Variants in NOTCH2 observed in about 807,000 individuals in gnomAD.
NOTCH2 encodes notch receptor 2.
NOTCH2 carries 29 observed loss-of-function variants against 235.8 expected under a neutral mutation model. That is an observed-to-expected ratio of 0.12 (90% CI 0.09 to 0.17). The LOEUF is 0.17. Ranked by LOEUF, NOTCH2 falls within the 10% of genes least tolerant of loss-of-function variation. The pLI, the probability that NOTCH2 is intolerant of heterozygous loss-of-function variation, is 1.00. For synonymous variants in NOTCH2, 1,086 were observed against 1,141.5 expected, an observed-to-expected ratio of 0.95 and a Z score of 0.98; for missense variants, 2,285 against 3,150.2, an observed-to-expected ratio of 0.73 and a Z score of 6.57.
At chr1:119,975,561 G>T (rs587650066) in intron 5 of NOTCH2, among the ~76,000 whole-genome samples, 1 of 151,262 alleles carries the variant, frequency 6.6e-6, no homozygotes, top group Non-Finnish European at 1.5e-5. Flanking sequence ...CAGGAGAATC[G>T]CTTGAATCCA....
intron 11 of NOTCH2, among the ~76,000 whole-genome samples, chr1:119,960,512 T>C (rs941734384): frequency 6.6e-6 from 1 of 151,536 alleles, no homozygotes; most frequent in African/African-American, 2.4e-5. Context: ...GGTAACAATA[T>C]TTACTTTTTA....
Position 119,918,361 on chromosome 1 carries a change from C to T in NOTCH2, c.5929+45G>A, listed in dbSNP as rs367924310. The T allele has an allele frequency of 1.9e-6, 3 of 1,609,818 alleles. No homozygotes were observed. In the African/African-American group the frequency reaches 4.0e-5, roughly 21 times the overall value. On this transcript the variant is annotated intron_variant, in intron 32 of 33. Transcript: ENST00000256646. ...GTAACTCTATTCCCCTCGTCAGAGGCATGCTTTGCAGGTAAGAATCCAAAT... is the reference window on the plus strand; with the variant it reads ...GTAACTCTATTCCCCTCGTCAGAGGTATGCTTTGCAGGTAAGAATCCAAAT...
intron 4 of NOTCH2, chr1:119,995,414 T>C (rs1464127875): frequency 1.3e-5 from 2 of 151,832 alleles, no homozygotes; most frequent in African/African-American, 4.8e-5. Flanking sequence ...CATTTAGCCT[T>C]CAACAATAAA....
intron 6 of NOTCH2, 35 bp downstream of exon 6, chr1:119,969,476 T>A (rs946255501): frequency 6.3e-7 from 1 of 1,585,820 alleles, no homozygotes; most frequent in South Asian, 1.1e-5. Flanking sequence ...CCCCTGCCCC[T>A]TCCCTGTTTC....
chr1:119,958,855 C>T (rs587754388), intron 12 of NOTCH2, among the ~76,000 whole-genome samples: 1 of 152,150 alleles, frequency 6.6e-6, no homozygotes, highest in South Asian at 2.1e-4. Context: ...TTTCTTCCTC[C>T]TGGGCAGAAA....
chr1:120,023,417 A>T (rs2101303666), intron 2 of NOTCH2, among the ~76,000 whole-genome samples: 1 of 149,044 alleles, frequency 6.7e-6, no homozygotes, highest in African/African-American at 2.5e-5. Flanking sequence ...AGCCTGGGCC[A>T]CAGAGCGAGA....
intron 12 of NOTCH2, 31 bp from the exon 13 acceptor site, chr1:119,955,263 T>A (rs1650643723): frequency 6.2e-7 from 1 of 1,606,090 alleles, no homozygotes. Flanking sequence ...GTTAGTCACA[T>A]CCTAAATGCT....
intron 1 of NOTCH2, among the ~76,000 whole-genome samples, chr1:120,060,527 C>T (rs1237069725): frequency 2.7e-5 from 4 of 150,250 alleles, no homozygotes; most frequent in Non-Finnish European, 5.9e-5. Flanking sequence ...AGACGTATAC[C>T]AAAAAATTAA....
intron 5 of NOTCH2, among the ~76,000 whole-genome samples, chr1:119,979,743 G>T (rs74115508): frequency 0.037 from 5,689 of 152,036 alleles, 355 homozygotes; most frequent in African/African-American, 0.13. Context: ...TAATTTTAAA[G>T]AATATGTATA....
At chr1:119,986,547 G>A (rs587597931) in intron 5 of NOTCH2, among the ~76,000 whole-genome samples, 2 of 152,262 alleles carry the variant, frequency 1.3e-5, no homozygotes, top group South Asian at 2.1e-4. Flanking sequence ...ATCTCTGTCC[G>A]TGAACAAATA....
intron 2 of NOTCH2, among the ~76,000 whole-genome samples, chr1:120,028,982 G>A (rs1326001332): frequency 2.0e-4 from 31 of 151,370 alleles, no homozygotes; most frequent in African/African-American, 5.6e-4. Flanking sequence ...CAAACAAAAC[G>A]TCTTGGCTAG....
rs2101154545 is a variant in NOTCH2 at position 119,922,361 on chromosome 1, C to T, written c.5088G>A (p.Gly1696=). ...VVIILFIILL[G]VIMAKRKRKH... ...TACGCTTTCGTTTTGCCATGATTAC[C>T]CCCAGCAGAATAATAAACAGAATGA... The change falls in exon 28 of 34, where the codon GGG becomes GGA. Residue 1696 remains glycine (G), a synonymous_variant. Coordinates refer to ENST00000256646, the MANE Select transcript of NOTCH2 (RefSeq NM_024408.4). The T allele has an allele frequency of 6.2e-7, 1 of 1,614,096 alleles. No individual in the cohort carries two copies. The highest frequency in any genetic ancestry group is 1.7e-5 in the Admixed American group (1 of 60,020).
chr1:120,017,462 TC>T (rs1653491006), intron 2 of NOTCH2, among the ~76,000 whole-genome samples: 1 of 152,090 alleles, frequency 6.6e-6, no homozygotes, highest in South Asian at 2.1e-4. Context: ...ATTCTCATAC[TC>T]CCAGTGCCTA....
intron 30 of NOTCH2, 132 bp downstream of exon 30, chr1:119,920,097 T>C: frequency 2.1e-6 from 2 of 959,992 alleles, no homozygotes; most frequent in Admixed American, 2.2e-5. Flanking sequence ...TAAGCATTCA[T>C]TTCCTCGAGC....
intron 10 of NOTCH2, among the ~76,000 whole-genome samples, chr1:119,964,736 C>CA (rs1184527250): frequency 6.6e-6 from 1 of 152,176 alleles, no homozygotes; most frequent in African/African-American, 2.4e-5. Context: ...ACTTCTTTCT[C>CA]AAGCAGTCAG....
chr1:119,952,583 A>G (rs1650523071), intron 14 of NOTCH2, among the ~76,000 whole-genome samples: 2 of 152,144 alleles, frequency 1.3e-5, no homozygotes, highest in Non-Finnish European at 2.9e-5. Flanking sequence ...TCGCAGTCCT[A>G]TGAGAATCTA....
intron 31 of NOTCH2, 30 bp from the exon 32 acceptor site, chr1:119,918,583 G>A (rs2101148322): frequency 1.1e-5 from 17 of 1,612,644 alleles, no homozygotes; most frequent in Non-Finnish European, 1.4e-5. Context: ...AGAAAAGAGA[G>A]TCACCTGGAT....
At chr1:120,010,438 T>C (rs1653142557) in intron 2 of NOTCH2, among the ~76,000 whole-genome samples, 1 of 152,110 alleles carries the variant, frequency 6.6e-6, no homozygotes, top group African/African-American at 2.4e-5. Context: ...ATTTAATAAA[T>C]GCTTGGAGTT....
At chr1:119,967,749 A>T (rs1557825906) in intron 7 of NOTCH2, 128 bp from the exon 8 acceptor site, 15 of 828,662 alleles carry the variant, frequency 1.8e-5, no homozygotes, top group Non-Finnish European at 2.9e-5. Flanking sequence ...CCAATTTTCT[A>T]TTTTTTTTTC....
Sources: gnomAD v4.1 joint callset for allele counts (sites outside exome capture counted in the v4.1 genomes callset) on GRCh38, gnomAD v4.1.1 for gene constraint, MANE v1.5 for transcripts, NCBI Gene and HGNC (gene_info 2026-07-23, HGNC 2026-07-21) for gene names.